Variants in LRBA observed in about 807,000 individuals in gnomAD.
LRBA encodes the protein LPS responsive beige-like anchor protein, also known as lipopolysaccharide-responsive and beige-like anchor protein.
LRBA carries 176 observed loss-of-function variants against 330.0 expected under a neutral mutation model. The observed-to-expected ratio is 0.53, with a 90% confidence interval of 0.47 to 0.60. The LOEUF (loss-of-function observed/expected upper bound fraction) is 0.60. LRBA is among the 20% of genes least tolerant of loss of function. The probability of loss-of-function intolerance (pLI) is 0.00; values close to 1 mark genes in which losing one functional copy is unlikely to be tolerated. For missense variants in LRBA, 3,259 were observed against 3,444.8 expected (o/e 0.95, Z 1.35); for synonymous variants, 1,230 against 1,193.0 (o/e 1.03, Z -0.64).
At chr4:150,453,299 G>C (rs1160694309) in intron 44 of LRBA, among the ~76,000 whole-genome samples, 1 of 152,142 alleles carries the variant, frequency 6.6e-6, no homozygotes, top group African/African-American at 2.4e-5. Context: ...CAGTACTCAA[G>C]ACTGTGATAC....
At chr4:151,012,095 C>T (rs532158295) in intron 2 of LRBA, among the ~76,000 whole-genome samples, 2 of 152,244 alleles carry the variant, frequency 1.3e-5, no homozygotes, top group African/African-American at 4.8e-5. Flanking sequence ...TTTTCCTGCC[C>T]TACCTGACAA....
chr4:150,913,183 G>T (rs1341743550), intron 9 of LRBA, among the ~76,000 whole-genome samples: 1 of 152,198 alleles, frequency 6.6e-6, no homozygotes, highest in Non-Finnish European at 1.5e-5. Flanking sequence ...TAAGAAAAAT[G>T]CAGGTCAGGT....
chr4:150,651,956 AC>A (rs1469597691), intron 37 of LRBA, among the ~76,000 whole-genome samples: 2 of 152,038 alleles, frequency 1.3e-5, no homozygotes, highest in Non-Finnish European at 2.9e-5. Flanking sequence ...TGATTCTCCC[AC>A]TTCAGCCTCC....
In LRBA at chr4:150,354,327, C is replaced by A. The variant is rs530992981; in HGVS notation, c.7195-4168G>T. On this transcript the variant is annotated intron_variant, in intron 47 of 56. Coordinates refer to ENST00000651943, the MANE Select transcript of LRBA (RefSeq NM_001364905.1). ...TGAAAAATGCCAGTGGAATGCTGAG[C>A]ATTTGAGATTTTTCAAAGCCTTCAA... 2.6e-5 allele frequency among the ~76,000 whole-genome samples: 4 copies of A among 152,036 alleles called. No individual in the cohort carries two copies. The South Asian group carries it at 8.3e-4, about 32-fold the overall frequency.
At chr4:150,501,198 C>T (rs1449217818) in intron 40 of LRBA, among the ~76,000 whole-genome samples, 2 of 152,166 alleles carry the variant, frequency 1.3e-5, no homozygotes, top group Non-Finnish European at 2.9e-5. Context: ...GGAGTTCATA[C>T]TTTAACTGGA....
chr4:150,350,119 C>A lies in LRBA; in HGVS notation c.7235G>T (p.Trp2412Leu). The change falls in exon 48 of 57, where the codon TGG (tryptophan) becomes TTG (leucine). Residue 2412 changes from tryptophan to leucine, a missense_variant. Trp to Leu is a moderately conservative substitution (Grantham distance 61). Transcript: ENST00000651943. ...SEFVSCQLHQ[W>L]IDLIFGYKQQ... ...TTTATAGCCAAAAATGAGATCAATCCATTGGTGAAGCTGGCAGGAAACAAA... is the reference window on the plus strand; with the variant it reads ...TTTATAGCCAAAAATGAGATCAATCAATTGGTGAAGCTGGCAGGAAACAAA... 1 of 1,601,352 alleles carries A rather than the reference C, an allele frequency of 6.2e-7. No homozygotes were observed. The highest frequency in any genetic ancestry group is 8.5e-7 in the Non-Finnish European group (1 of 1,175,404).
chr4:150,692,692 G>C (rs532384456), intron 36 of LRBA, among the ~76,000 whole-genome samples: 1 of 152,120 alleles, frequency 6.6e-6, no homozygotes, highest in South Asian at 2.1e-4. Context: ...CTTCACAAAA[G>C]TAAAAAATAG....
chr4:150,663,583 A>G (rs1470924681), intron 37 of LRBA, among the ~76,000 whole-genome samples: 2 of 151,868 alleles, frequency 1.3e-5, no homozygotes, highest in Non-Finnish European at 2.9e-5. Flanking sequence ...AAATAAAAGT[A>G]CAAAAGACAT....
At chr4:150,965,730 G>C (rs1336875865) in intron 2 of LRBA, among the ~76,000 whole-genome samples, 1 of 149,936 alleles carries the variant, frequency 6.7e-6, no homozygotes, top group African/African-American at 2.5e-5. Context: ...TTTTAATACA[G>C]ATGGGGTTTC....
intron 34 of LRBA, among the ~76,000 whole-genome samples, chr4:150,782,933 TAAAC>T (rs1674771823): frequency 6.6e-6 from 1 of 151,794 alleles, no homozygotes; most frequent in Non-Finnish European, 1.5e-5. Flanking sequence ...AAAAAAAAAT[TAAAC>T]AAATCAAGTC....
chr4:150,644,397 C>G (rs1205629540), intron 37 of LRBA, among the ~76,000 whole-genome samples: 2 of 151,042 alleles, frequency 1.3e-5, no homozygotes, highest in Non-Finnish European at 1.5e-5. Flanking sequence ...CTGAGTGATT[C>G]TTTTGTTAGT....
chr4:150,894,183 A>T (rs1368089996), intron 16 of LRBA, among the ~76,000 whole-genome samples: 1 of 152,186 alleles, frequency 6.6e-6, no homozygotes, highest in African/African-American at 2.4e-5. Context: ...AATGTTGCAA[A>T]TCTGGTGGTA....
At chr4:150,733,674 T>C (rs1004704369) in intron 36 of LRBA, among the ~76,000 whole-genome samples, 1 of 152,084 alleles carries the variant, frequency 6.6e-6, no homozygotes, top group Non-Finnish European at 1.5e-5. Flanking sequence ...TAAAATTTTG[T>C]AGCTTCATTC....
At chr4:150,922,597 T>G (rs1313416775) in intron 4 of LRBA, among the ~76,000 whole-genome samples, 2 of 151,828 alleles carry the variant, frequency 1.3e-5, no homozygotes, top group Non-Finnish European at 2.9e-5. Flanking sequence ...AAAGATACAA[T>G]GGACTTTGGG....
intron 37 of LRBA, among the ~76,000 whole-genome samples, chr4:150,651,167 G>T (rs1481928043): frequency 1.3e-5 from 2 of 151,960 alleles, no homozygotes; most frequent in Non-Finnish European, 2.9e-5. Context: ...TTTACTATGG[G>T]CTCAATAAAT....
chr4:151,002,294 C>T (rs1210177174), intron 2 of LRBA, among the ~76,000 whole-genome samples: 2 of 150,128 alleles, frequency 1.3e-5, no homozygotes, highest in African/African-American at 4.9e-5. Flanking sequence ...AGGCCAGGCA[C>T]GGTAGCTCAT....
chr4:150,803,111 TATATACACACACAA>T (rs1560837904), intron 33 of LRBA, among the ~76,000 whole-genome samples: 19 of 128,764 alleles, frequency 1.5e-4, no homozygotes, highest in Non-Finnish European at 2.7e-4. Flanking sequence ...CACACACACA[TATATACACACACAA>T]ATATATATAT....
chr4:150,449,977 A>G (rs1753147246), intron 44 of LRBA, among the ~76,000 whole-genome samples: 1 of 151,966 alleles, frequency 6.6e-6, no homozygotes, highest in Non-Finnish European at 1.5e-5. Flanking sequence ...TGACCTCAAC[A>G]CCCCAATTAA....
At chr4:150,727,539 A>C (rs1467216874) in intron 36 of LRBA, among the ~76,000 whole-genome samples, 2 of 152,212 alleles carry the variant, frequency 1.3e-5, no homozygotes, top group African/African-American at 4.8e-5. Context: ...ATGAAATATA[A>C]CTACAAATCA....
Sources: gnomAD v4.1 joint callset for allele counts (sites outside exome capture counted in the v4.1 genomes callset) on GRCh38, gnomAD v4.1.1 for gene constraint, MANE v1.5 for transcripts, NCBI Gene and HGNC (gene_info 2026-07-23, HGNC 2026-07-21) for gene names.